AEBP1: variants seen among roughly 807,000 people sequenced by gnomAD.
The protein encoded by AEBP1 is adipocyte enhancer-binding protein 1.
AEBP1 carries 69 observed loss-of-function variants against 116.5 expected under a neutral mutation model. The ratio of observed to expected loss-of-function variants is 0.59; its 90% confidence interval spans 0.49 to 0.72. The LOEUF (loss-of-function observed/expected upper bound fraction) is 0.72, where lower values mean the gene tolerates loss of function less well. Ranked by LOEUF, AEBP1 falls within the 30% of genes least tolerant of loss-of-function variation. The pLI is 0.00. For missense variants in AEBP1, 1,444 were observed against 1,557.5 expected, an observed-to-expected ratio of 0.93 and a Z score of 1.23; for synonymous variants, 627 against 627.3, an observed-to-expected ratio of 1.00 and a Z score of 0.01.
Position 44,105,905 on chromosome 7 carries a change from G to A in AEBP1, c.254-641G>A, listed in dbSNP as rs573605515. Among the ~76,000 whole-genome samples, 156 of 152,238 alleles carry A rather than the reference G, an allele frequency of 1.0e-3. 1 individual carries two copies. The highest frequency in any genetic ancestry group is 3.5e-3 in the African/African-American group (147 of 41,544). ...GTCCCTGCTCCCTCTCCCAGACTCT[G>A]AAATGAGTGTGCAGCCACAAGCTCC... On this transcript the variant is annotated intron_variant, in intron 1 of 20. Coordinates refer to ENST00000223357, the MANE Select transcript of AEBP1 (RefSeq NM_001129.5).
At position 44,112,636 on chromosome 7, in the gene AEBP1, G is replaced by T. The variant is rs201912634; in HGVS notation, c.2296G>T (p.Glu766Ter). ...FVLGANLNGG[E>*]RLVSYPYDMA... ...GCTGGGAGCAAATCTGAACGGCGGC[G>T]AGCGGCTAGTATCCTACCCCTACGA... Residue 766 changes from glutamate (E) to a stop codon, truncating the protein, a stop_gained, in exon 18 of 21, where the codon GAG (glutamate) becomes TAG (stop). Coordinates refer to ENST00000223357, the MANE Select transcript of AEBP1 (RefSeq NM_001129.5). LOFTEE classifies it high-confidence loss of function. This position sits in a 1 kb window ranked among gnomAD's most constrained non-coding sequence, Gnocchi z 6.6. The T allele has an allele frequency of 6.2e-7, 1 of 1,611,288 alleles. No homozygotes were observed.
rs753952775 is a variant in AEBP1, at chr7:44,110,970, G to A, written c.1543G>A (p.Val515Met). The A allele has an allele frequency of 6.2e-7, 1 of 1,614,042 alleles. No individual in the cohort carries two copies. The highest frequency in any genetic ancestry group is 8.5e-7 in the Non-Finnish European group (1 of 1,180,026). Residue 515 changes from valine to methionine, a missense_variant, in exon 13 of 21, where the codon GTG (valine) becomes ATG (methionine). By Grantham distance (21) the Val-to-Met change is conservative. Coordinates refer to ENST00000223357, the MANE Select transcript of AEBP1 (RefSeq NM_001129.5). ...CGTGCTGAGTGAGCTCCCAGAGCCGGTGGTGGCTCGTTTCATCCGCATCTA... is the reference window on the plus strand; with the variant it reads ...CGTGCTGAGTGAGCTCCCAGAGCCGATGGTGGCTCGTTTCATCCGCATCTA... ...TPVLSELPEP[V>M]VARFIRIYPL...
At position 44,114,513 on chromosome 7, in the gene AEBP1, G is replaced by C. The variant is rs2096234773; in HGVS notation, c.*252G>C. 1 of 619,396 alleles carries C rather than the reference G, an allele frequency of 1.6e-6. No individual in the cohort carries two copies. The highest frequency in any genetic ancestry group is 2.8e-6 in the Non-Finnish European group (1 of 356,510). The allele number at this position is 619,396 out of a possible 1,614,324, so 38.4% of individuals were successfully genotyped here. A position where few individuals can be genotyped will look rare whatever the true frequency, so the allele number is the denominator to read the frequency against. ...GGGGTTGCTGCAGTGTTGGAGTAGG[G>C]GCAGAGGGAGGGAGCCAAGGTCACT... On this transcript the variant is annotated 3_prime_UTR_variant, in exon 21 of 21. Transcript: ENST00000223357.
rs1480428438 is a variant in AEBP1, at chr7:44,110,337, C to G, written c.1391C>G (p.Ser464Cys). The G allele has an allele frequency of 1.2e-6, 2 of 1,613,680 alleles. No homozygotes were observed. Among genetic ancestry groups the G allele is most frequent in the Non-Finnish European group, 1.7e-6 (2 of 1,180,006 alleles). ...GGCGTCATCACCCAGGGCAGAGACT[C>G]CAGCATCCAGTGCGTGGCCAGGCTC... ...FTGVITQGRD[S>C]SIHDDFVTTF... Residue 464 changes from serine to cysteine, a missense_variant, in exon 11 of 21, where the codon TCC becomes TGC. Ser to Cys is a moderately radical substitution (Grantham distance 112, BLOSUM62 -1). Transcript: ENST00000223357.
chr7:44,104,822 G>C lies in AEBP1; in HGVS notation c.157G>C (p.Asp53His). ...GCTAGAACCTGAGCCCCGGGAGGAC[G>C]ACGTGGAGGCCCCGCCGCCTCCCGA... ...SELEPEPRED[D>H]VEAPPPPEPT... Residue 53 changes from aspartate to histidine, a missense_variant, in exon 1 of 21, where the codon GAC (aspartate) becomes CAC (histidine). Transcript: ENST00000223357. 6.2e-7 allele frequency: 1 copy of C among 1,601,980 alleles called. No homozygotes were observed. The highest frequency in any genetic ancestry group is 8.5e-7 in the Non-Finnish European group (1 of 1,175,178).
rs767076401 is a variant in AEBP1 at position 44,111,838 on chromosome 7, G to C, written c.1841-16G>C. 6.2e-7 allele frequency: 1 copy of C among 1,608,314 alleles called. No homozygotes were observed. Among genetic ancestry groups the C allele is most frequent in the Admixed American group, 1.7e-5 (1 of 59,454 alleles). On this transcript the variant is annotated splice_polypyrimidine_tract_variant and intron_variant, in intron 15 of 20. Coordinates refer to ENST00000223357, the MANE Select transcript of AEBP1 (RefSeq NM_001129.5). The surrounding 1 kb of genome is among the most constrained non-coding windows in gnomAD (Gnocchi z 4.7). The stretch of plus-strand genomic sequence containing the variant: ...CTCGGGAGACTGAGTGCTCACTGAG[G>C]CTCCCGCCCTTGCAGGGGAGCCCGA...
chr7:44,108,589 C>G lies in AEBP1; in HGVS notation c.941-310C>G, dbSNP rs182292036. The stretch of plus-strand genomic sequence containing the variant: ...TCCAATGTCTCCCCATCTCACCCCC[C>G]AGCCCGCAACCCCAGGCACAGGTGC... On this transcript the variant is annotated intron_variant, in intron 6 of 20. Coordinates refer to ENST00000223357, the MANE Select transcript of AEBP1 (RefSeq NM_001129.5). This position sits in a 1 kb window ranked among gnomAD's most constrained non-coding sequence, Gnocchi z 5.0. Among the ~76,000 whole-genome samples, 1 of 152,178 alleles carries G rather than the reference C, an allele frequency of 6.6e-6. No individual in the cohort carries two copies. The highest frequency in any genetic ancestry group is 1.5e-5 in the Non-Finnish European group (1 of 68,020).
rs776573255 is a variant in AEBP1, at chr7:44,112,359, A to G, written c.2217+38A>G. On this transcript the variant is annotated intron_variant, in intron 17 of 20. Coordinates refer to ENST00000223357, the MANE Select transcript of AEBP1 (RefSeq NM_001129.5). This position sits in a 1 kb window ranked among gnomAD's most constrained non-coding sequence, Gnocchi z 6.6. ...CCTGGCTGAAAGGGCAGGAGGGAGC[A>G]GCTGGACCCTGGGGTCCTGGTGTTC... The G allele has an allele frequency of 4.6e-6, 7 of 1,516,508 alleles. No homozygotes were observed. The highest frequency in any genetic ancestry group is 4.4e-6 in the Non-Finnish European group (5 of 1,132,316). The allele number at this position is 1,516,508 out of a possible 1,614,324, so 93.9% of individuals were successfully genotyped here.
rs1279670369 is a variant in AEBP1 at position 44,114,119 on chromosome 7, A to G, written c.3335A>G (p.Gln1112Arg). ...AAGGTGGAGCCCGAGTTTGAGACCC[A>G]GTTGGAGCCTGAGTTTGAGACCCAG... The part of the protein sequence containing the change: ...GTKVEPEFET[Q>R]LEPEFETQLE... Residue 1112 changes from glutamine to arginine, a missense_variant, in exon 21 of 21, where the codon CAG (glutamine) becomes CGG (arginine). Coordinates refer to ENST00000223357, the MANE Select transcript of AEBP1 (RefSeq NM_001129.5). The G allele has an allele frequency of 6.2e-7, 1 of 1,613,908 alleles. No homozygotes were observed. The highest frequency in any genetic ancestry group is 8.5e-7 in the Non-Finnish European group (1 of 1,180,004).
chr7:44,106,029 C>A (rs372158531), intron 1 of AEBP1: 12 of 368,086 alleles, frequency 3.3e-5, no homozygotes, highest in African/African-American at 2.6e-4. Flanking sequence ...AAGGAGACCA[C>A]TTCCTCTTCT....
In AEBP1 at chr7:44,104,866, A is replaced by G. The variant is rs769397846; in HGVS notation, c.201A>G (p.Arg67=). 17 of 1,568,832 alleles carry G rather than the reference A, an allele frequency of 1.1e-5. No individual in the cohort carries two copies. The Admixed American group carries it at 2.8e-4, about 26-fold the overall frequency. Reference sequence around the variant, plus strand: ...CTCCCGAGCCCACCCCGCGGGTCCGAAAAGCCCAGGCGGGGGGCAAGCCAG... The same window carrying G: ...CTCCCGAGCCCACCCCGCGGGTCCGGAAAGCCCAGGCGGGGGGCAAGCCAG... ...PPPPEPTPRV[R]KAQAGGKPGK... is the part of the protein sequence containing the mutation. The change falls in exon 1 of 21, where the codon CGA becomes CGG. Residue 67 remains arginine, a synonymous_variant. Transcript: ENST00000223357.
Position 44,113,999 on chromosome 7 carries a change from C to T in AEBP1, c.3215C>T (p.Pro1072Leu), listed in dbSNP as rs772499492. The stretch of plus-strand genomic sequence containing the variant: ...ACCATAGAGCCCTGGGGCCTCATAC[C>T]GCCAACCACCGCTGGCTGGGAGGAG... ...STTIEPWGLI[P>L]PTTAGWEESE... Residue 1072 changes from proline to leucine, a missense_variant, in exon 21 of 21, where the codon CCG becomes CTG. Physicochemically the swap from Pro to Leu is moderately conservative, Grantham distance 98. Coordinates refer to ENST00000223357, the MANE Select transcript of AEBP1 (RefSeq NM_001129.5). The surrounding 1 kb of genome is among the most constrained non-coding windows in gnomAD (Gnocchi z 5.3). 3.7e-6 allele frequency: 6 copies of T among 1,613,824 alleles called. No homozygotes were observed. Among genetic ancestry groups the T allele is most frequent in the African/African-American group, 2.7e-5 (2 of 74,898 alleles).
rs778289866 is a variant in AEBP1, at chr7:44,113,079, G to C, written c.2658G>C (p.Leu886=). The change falls in exon 19 of 21, where the codon CTG becomes CTC. Residue 886 remains leucine, a synonymous_variant. Transcript: ENST00000223357. This position sits in a 1 kb window ranked among gnomAD's most constrained non-coding sequence, Gnocchi z 5.3. Reference sequence around the variant, plus strand: ...ACAAGTTCCCTCATGAGAGTGAGCTGCCCCGCGAGTGGGAGAACAACAAGG... The same window carrying C: ...ACAAGTTCCCTCATGAGAGTGAGCTCCCCCGCGAGTGGGAGAACAACAAGG... ...GCDKFPHESE[L]PREWENNKEA... The C allele has an allele frequency of 1.9e-6, 3 of 1,614,088 alleles. No individual in the cohort carries two copies. The highest frequency in any genetic ancestry group is 2.7e-5 in the African/African-American group (2 of 75,036).
rs1229937506 is a variant in AEBP1, at chr7:44,112,453, G to T, written c.2218-105G>T. 2.2e-6 allele frequency: 3 copies of T among 1,391,138 alleles called. No individual in the cohort carries two copies. In the Admixed American group the frequency reaches 7.3e-5, roughly 34 times the overall value. The allele number at this position is 1,391,138 out of a possible 1,614,324, so 86.2% of individuals were successfully genotyped here. A position where few individuals can be genotyped will look rare whatever the true frequency, so the allele number is the denominator to read the frequency against. On this transcript the variant is annotated intron_variant, in intron 17 of 20. Coordinates refer to ENST00000223357, the MANE Select transcript of AEBP1 (RefSeq NM_001129.5). The surrounding 1 kb of genome is among the most constrained non-coding windows in gnomAD (Gnocchi z 6.6). ...GAGGCTCTGGGGGTTGGGGGACAGG[G>T]GATCGTGCGAGTACTGGTGTGAAGC...
rs201912634 is a variant in AEBP1 at position 44,112,636 on chromosome 7, G to A, written c.2296G>A (p.Glu766Lys). 1 of 1,611,288 alleles carries A rather than the reference G, an allele frequency of 6.2e-7. No homozygotes were observed. Residue 766 changes from glutamate (E) to lysine (K), a missense_variant, in exon 18 of 21, where the codon GAG becomes AAG. Transcript: ENST00000223357. This position sits in a 1 kb window ranked among gnomAD's most constrained non-coding sequence, Gnocchi z 6.6. ...FVLGANLNGGERLVSYPYDMA... is the reference protein window; with the variant it reads ...FVLGANLNGGKRLVSYPYDMA... ...GCTGGGAGCAAATCTGAACGGCGGCGAGCGGCTAGTATCCTACCCCTACGA... is the reference window on the plus strand; with the variant it reads ...GCTGGGAGCAAATCTGAACGGCGGCAAGCGGCTAGTATCCTACCCCTACGA...
chr7:44,112,434 C>CT lies in AEBP1; in HGVS notation c.2217+114dup. On this transcript the variant is annotated intron_variant, in intron 17 of 20. Transcript: ENST00000223357. The surrounding 1 kb of genome is among the most constrained non-coding windows in gnomAD (Gnocchi z 6.6). ...TGCCTGAACTCCAGACGCTGAGGCT[C>CT]TGGGGGTTGGGGGACAGGGGATCGT... 7.1e-7 allele frequency: 1 copy of CT among 1,408,288 alleles called. No homozygotes were observed. Among genetic ancestry groups the CT allele is most frequent in the Non-Finnish European group, 9.5e-7 (1 of 1,047,288 alleles). The allele number at this position is 1,408,288 out of a possible 1,614,324, so 87.2% of individuals were successfully genotyped here. A position where few individuals can be genotyped will look rare whatever the true frequency, so the allele number is the denominator to read the frequency against.
Position 44,113,921 on chromosome 7 carries a change from C to A in AEBP1, c.3137C>A (p.Pro1046His). The A allele has an allele frequency of 6.2e-7, 1 of 1,613,658 alleles. No homozygotes were observed. The highest frequency in any genetic ancestry group is 1.1e-5 in the South Asian group (1 of 91,078). Residue 1046 changes from proline (P) to histidine (H), a missense_variant, in exon 21 of 21, where the codon CCC becomes CAC. By Grantham distance (77) the Pro-to-His change is moderately conservative. Coordinates refer to ENST00000223357, the MANE Select transcript of AEBP1 (RefSeq NM_001129.5). This position sits in a 1 kb window ranked among gnomAD's most constrained non-coding sequence, Gnocchi z 5.3. Reference protein sequence around the residue: ...RRLNATTTLGPHTVPPTLPPA... With the variant: ...RRLNATTTLGHHTVPPTLPPA... ...CTCAACGCCACCACCACCCTAGGCC[C>A]CCACACTGTGCCTCCCACGCTGCCC...
chr7:44,106,850 C>T lies in AEBP1; in HGVS notation c.558C>T (p.Pro186=). ...CCCTGGAGTGGCCACTGCCCCCACC[C>T]CCCAGCCCTGGCCCCGAGGAGCTAC... ...SETLEWPLPP[P]PSPGPEELPQ... is the part of the protein sequence containing the mutation. The change falls in exon 2 of 21, where the codon CCC becomes CCT. Residue 186 remains proline, a synonymous_variant. Coordinates refer to ENST00000223357, the MANE Select transcript of AEBP1 (RefSeq NM_001129.5). The T allele has an allele frequency of 6.2e-7, 1 of 1,600,554 alleles. No individual in the cohort carries two copies. Among genetic ancestry groups the T allele is most frequent in the African/African-American group, 1.3e-5 (1 of 74,390 alleles).
Position 44,113,807 on chromosome 7 carries a change from C to A in AEBP1, c.3023C>A (p.Ser1008Ter), listed in dbSNP as rs1440748803. ...GNRPIPHIDP[S>*]RPMTPQQRRL... is the part of the protein sequence containing the mutation. ...CGGCCTATCCCACACATAGACCCAT[C>A]GCGCCCTATGACCCCCCAACAGCGA... The change falls in exon 21 of 21, where the codon TCG (serine) becomes TAG (stop). Residue 1008 changes from serine to a stop codon, truncating the protein, a stop_gained. Transcript: ENST00000223357. LOFTEE classifies it low-confidence loss of function (END_TRUNC). The surrounding 1 kb of genome is among the most constrained non-coding windows in gnomAD (Gnocchi z 5.3). 2 of 1,614,054 alleles carry A rather than the reference C, an allele frequency of 1.2e-6. No homozygotes were observed. The highest frequency in any genetic ancestry group is 1.7e-6 in the Non-Finnish European group (2 of 1,179,992).
Sources: allele counts gnomAD v4.1 joint callset (sites outside exome capture counted in the v4.1 genomes callset), GRCh38; gene constraint gnomAD v4.1.1; non-coding constraint Gnocchi (gnomAD v3.1); transcripts MANE v1.5; gene names NCBI Gene and HGNC (gene_info 2026-07-23, HGNC 2026-07-21).